Variants in ABCA4 observed in about 807,000 individuals in gnomAD.
ABCA4 encodes the protein retinal-specific phospholipid-transporting ATPase ABCA4.
Under a neutral mutation model 263.7 loss-of-function variants are expected in ABCA4, and 196 were observed. The ratio of observed to expected loss-of-function variants is 0.74; its 90% CI spans 0.66 to 0.84. The LOEUF is 0.84. ABCA4 is among the 40% of genes least tolerant of loss of function. The probability of loss-of-function intolerance (pLI) is 0.00; values close to 1 mark genes in which losing one functional copy is unlikely to be tolerated. For synonymous variants in ABCA4, 1,133 were observed against 1,094.2 expected, an observed-to-expected ratio of 1.04 and a Z score of -0.70; for missense variants, 2,792 against 2,855.1, an observed-to-expected ratio of 0.98 and a Z score of 0.50.
At chr1:94,047,166 C>T (rs2101057640) in intron 18 of ABCA4, 73 bp from the exon 19 acceptor site, 2 of 1,550,290 alleles carry the variant, frequency 1.3e-6, no homozygotes, top group African/African-American at 1.4e-5. Flanking sequence ...TGTCTCCAGG[C>T]CCTTGTATTC....
chr1:94,104,331 G>A (rs775725131), intron 4 of ABCA4, among the ~76,000 whole-genome samples: 3 of 152,190 alleles, frequency 2.0e-5, no homozygotes, highest in Admixed American at 6.5e-5. Context: ...ATGGGTGACT[G>A]TTTATCTCCC....
At chr1:94,072,850 G>C (rs1240886369) in intron 11 of ABCA4, among the ~76,000 whole-genome samples, 1 of 152,162 alleles carries the variant, frequency 6.6e-6, no homozygotes, top group Non-Finnish European at 1.5e-5. Flanking sequence ...CCTGCTAATG[G>C]GAGGGGATCA....
chr1:94,020,794 G>A (rs1659875466), intron 35 of ABCA4, among the ~76,000 whole-genome samples: 1 of 152,218 alleles, frequency 6.6e-6, no homozygotes, highest in Non-Finnish European at 1.5e-5. Flanking sequence ...GGCTGAAACT[G>A]TGCAAGAAGA....
chr1:94,108,344 C>T (rs903281562), intron 4 of ABCA4, among the ~76,000 whole-genome samples: 2 of 152,186 alleles, frequency 1.3e-5, no homozygotes, highest in East Asian at 3.8e-4. Context: ...CTTTCTGTCT[C>T]TAGACTTAAC....
At chr1:94,117,519 G>C (rs1009457411) in intron 1 of ABCA4, among the ~76,000 whole-genome samples, 2 of 152,090 alleles carry the variant, frequency 1.3e-5, no homozygotes, top group African/African-American at 4.8e-5. Flanking sequence ...GGGATGAAGG[G>C]ATGACACCAA....
At chr1:94,008,461 C>T (rs549774463) in intron 41 of ABCA4, among the ~76,000 whole-genome samples, 164 bp from the exon 42 acceptor site, 16 of 152,274 alleles carry the variant, frequency 1.1e-4, no homozygotes, top group African/African-American at 2.4e-4. Context: ...TGAGACATCT[C>T]GAGGCTGACC....
At position 94,021,798 on chromosome 1, in the gene ABCA4, G is replaced by A. The variant is rs472908; in HGVS notation, c.4773+48C>T. ...TCATGAGAGTTTCTCATTCATGGTA[G>A]TTAAGCAAGTCAAAAATCCTACTCA... On this transcript the variant is annotated intron_variant, in intron 33 of 49. Coordinates refer to ENST00000370225, the MANE Select transcript of ABCA4 (RefSeq NM_000350.3). 0.58 allele frequency: 925,736 copies of A among 1,606,414 alleles called. 269,572 individuals are homozygous for A. Among genetic ancestry groups the A allele is most frequent in the African/African-American group, 0.75 (55,938 of 74,774 alleles).
At chr1:94,049,987 A>G (rs1212574495) in intron 17 of ABCA4, among the ~76,000 whole-genome samples, 3 of 152,208 alleles carry the variant, frequency 2.0e-5, no homozygotes, top group Non-Finnish European at 4.4e-5. Context: ...GTCACCAGGC[A>G]TCCAAGGGCT....
chr1:94,039,610 A>G (rs1198456219), intron 24 of ABCA4, among the ~76,000 whole-genome samples: 3 of 152,178 alleles, frequency 2.0e-5, no homozygotes, highest in African/African-American at 4.8e-5. Context: ...GGTGTATGCT[A>G]TTTCCAGACT....
intron 8 of ABCA4, among the ~76,000 whole-genome samples, chr1:94,079,885 G>C (rs184005979): frequency 3.8e-4 from 57 of 151,976 alleles, no homozygotes; most frequent in Admixed American, 5.9e-4. Context: ...CTATCTTAGA[G>C]TCCAACTACT....
chr1:94,014,539 T>C lies in ABCA4; in HGVS notation c.5460+4A>G. ...AACAAAAAAGCCAAGAAAGTTATGCTCACCCGGTTATTCTCAAATAATTCC... is the reference window on the plus strand; with the variant it reads ...AACAAAAAAGCCAAGAAAGTTATGCCCACCCGGTTATTCTCAAATAATTCC... On this transcript the variant is annotated splice_donor_region_variant and intron_variant, in intron 38 of 49. Coordinates refer to ENST00000370225, the MANE Select transcript of ABCA4 (RefSeq NM_000350.3). The C allele has an allele frequency of 1.2e-6, 2 of 1,614,142 alleles. No individual in the cohort carries two copies. Among genetic ancestry groups the C allele is most frequent in the Non-Finnish European group, 1.7e-6 (2 of 1,180,010 alleles).
intron 4 of ABCA4, among the ~76,000 whole-genome samples, chr1:94,106,340 T>C (rs1662432834): frequency 6.6e-6 from 1 of 152,172 alleles, no homozygotes. Context: ...TGAAATTACT[T>C]CCTTCACACT....
rs762535036 is a variant in ABCA4, at chr1:94,077,678, G to A, written c.1554+12C>T. 3.1e-6 allele frequency: 5 copies of A among 1,603,378 alleles called. No homozygotes were observed. In the Admixed American group the frequency reaches 5.1e-5, roughly 16 times the overall value. On this transcript the variant is annotated intron_variant, in intron 11 of 49. Coordinates refer to ENST00000370225, the MANE Select transcript of ABCA4 (RefSeq NM_000350.3). ...CTTCAAGGGGCCCACTGTGGGGCTT[G>A]CAGCCCCTTACCTCCAGGTATTGAT...
At chr1:94,011,142 G>C (rs1659535087) in intron 39 of ABCA4, 120 bp downstream of exon 39, 1 of 1,577,092 alleles carries the variant, frequency 6.3e-7, no homozygotes, top group Non-Finnish European at 8.7e-7. Flanking sequence ...GACACCTCCA[G>C]CCCAACAAGG....
chr1:94,102,286 G>A (rs1458681727), intron 5 of ABCA4, among the ~76,000 whole-genome samples: 1 of 152,112 alleles, frequency 6.6e-6, no homozygotes, highest in Non-Finnish European at 1.5e-5. Context: ...AGTTTGCCTG[G>A]TGCTGAGAAG....
intron 44 of ABCA4, among the ~76,000 whole-genome samples, chr1:94,003,332 T>C (rs77224437): frequency 0.028 from 4,275 of 151,932 alleles, 189 homozygotes; most frequent in African/African-American, 0.091. Flanking sequence ...ATGACTCTTA[T>C]GTTTTTGAAG....
chr1:94,064,961 G>T (rs1327084565), intron 11 of ABCA4, among the ~76,000 whole-genome samples: 2 of 152,068 alleles, frequency 1.3e-5, no homozygotes, highest in Non-Finnish European at 2.9e-5. Context: ...GGAAGACTGG[G>T]TTATTGATGT....
At chr1:94,043,047 C>T in intron 21 of ABCA4, 149 bp from the exon 22 acceptor site, 2 of 1,244,064 alleles carry the variant, frequency 1.6e-6, no homozygotes, top group East Asian at 2.4e-5. Context: ...AGCCCTAATA[C>T]TGTTCAGGCT....
intron 38 of ABCA4, among the ~76,000 whole-genome samples, chr1:94,013,843 G>A (rs1246707833): frequency 6.6e-6 from 1 of 152,142 alleles, no homozygotes; most frequent in Non-Finnish European, 1.5e-5. Flanking sequence ...TAAGAAAGCG[G>A]GAGAAAGACC....
Sources: gnomAD v4.1 joint callset for allele counts (sites outside exome capture counted in the v4.1 genomes callset) on GRCh38, gnomAD v4.1.1 for gene constraint, MANE v1.5 for transcripts, NCBI Gene and HGNC (gene_info 2026-07-23, HGNC 2026-07-21) for gene names.